LRP1B: variants seen among roughly 807,000 people sequenced by gnomAD.
LRP1B encodes low-density lipoprotein receptor-related protein 1B.
In LRP1B, 217 loss-of-function variants were observed where a neutral mutation model predicts 556.6. The observed-to-expected ratio is 0.39, with a 90% CI of 0.35 to 0.44. The LOEUF (loss-of-function observed/expected upper bound fraction) is 0.44, where lower values mean the gene tolerates loss of function less well. LRP1B is among the 20% of genes least tolerant of loss of function. LRP1B has a pLI of 1.00. For synonymous variants in LRP1B, 2,047 were observed against 1,865.8 expected (o/e 1.10, Z -2.50); for missense variants, 5,053 against 5,620.8 (o/e 0.90, Z 3.23).
chr2:140,606,101 T>C (rs1682858218), intron 41 of LRP1B, among the ~76,000 whole-genome samples: 1 of 151,976 alleles, frequency 6.6e-6, no homozygotes, highest in African/African-American at 2.4e-5. Flanking sequence ...ACACTATCAC[T>C]ATTTGCAGAT....
At position 140,297,342 on chromosome 2, in the gene LRP1B, G is replaced by C. The variant is rs941434848; in HGVS notation, c.12967+466C>G. 2.0e-5 allele frequency among the ~76,000 whole-genome samples: 3 copies of C among 152,276 alleles called. No homozygotes were observed. The South Asian group carries it at 6.2e-4, about 32-fold the overall frequency. On this transcript the variant is annotated intron_variant, in intron 84 of 90. Transcript: ENST00000389484. ...GAAGGTGTGACATAGACATCTAGGG[G>C]AGTGGGAGAGTCAATGGATTAGGGA...
At chr2:141,788,324 T>C (rs1447182193) in intron 2 of LRP1B, among the ~76,000 whole-genome samples, 2 of 152,028 alleles carry the variant, frequency 1.3e-5, no homozygotes, top group Non-Finnish European at 2.9e-5. Context: ...AGCTATTCTA[T>C]TGCATGTTTC....
At chr2:140,845,611 G>A (rs1692252386) in intron 29 of LRP1B, among the ~76,000 whole-genome samples, 1 of 151,742 alleles carries the variant, frequency 6.6e-6, no homozygotes, top group Non-Finnish European at 1.5e-5. Context: ...ATTATATGTA[G>A]GATAAAGACA....
chr2:141,448,628 C>A (rs541480939), intron 3 of LRP1B, among the ~76,000 whole-genome samples: 40 of 152,146 alleles, frequency 2.6e-4, no homozygotes, highest in Non-Finnish European at 5.0e-4. Context: ...AGTCCCTTCA[C>A]GGCTTCCCCT....
At chr2:141,783,615 T>C (rs1262242715) in intron 2 of LRP1B, among the ~76,000 whole-genome samples, 1 of 151,988 alleles carries the variant, frequency 6.6e-6, no homozygotes, top group Non-Finnish European at 1.5e-5. Context: ...TTTTACCTAG[T>C]CAAGGAATAT....
At chr2:141,189,740 A>G (rs970902823) in intron 6 of LRP1B, among the ~76,000 whole-genome samples, 37 of 152,004 alleles carry the variant, frequency 2.4e-4, no homozygotes, top group African/African-American at 8.7e-4. Flanking sequence ...AATTTTTATC[A>G]TATCTAATTT....
chr2:141,370,070 A>C (rs1317748554), intron 3 of LRP1B, among the ~76,000 whole-genome samples: 1 of 151,950 alleles, frequency 6.6e-6, no homozygotes, highest in East Asian at 1.9e-4. Context: ...TTGATTGCCT[A>C]TCTTTGCTAT....
At chr2:140,484,702 T>C (rs141946174) in intron 59 of LRP1B, among the ~76,000 whole-genome samples, 1 of 152,286 alleles carries the variant, frequency 6.6e-6, no homozygotes, top group Admixed American at 6.5e-5. Flanking sequence ...TATAGAACTT[T>C]AGCAAACATA....
intron 35 of LRP1B, among the ~76,000 whole-genome samples, chr2:140,748,242 T>G (rs1688395848): frequency 7.3e-6 from 1 of 136,284 alleles, no homozygotes; most frequent in African/African-American, 2.7e-5. Flanking sequence ...TCCATAAATA[T>G]ATATTCATAT....
At chr2:140,303,460 G>C (rs1009344153) in intron 83 of LRP1B, among the ~76,000 whole-genome samples, 2 of 151,760 alleles carry the variant, frequency 1.3e-5, no homozygotes, top group African/African-American at 4.8e-5. Context: ...TGTTGGCCAG[G>C]CTGGTCTCGA....
chr2:140,911,309 G>A (rs889025374), intron 21 of LRP1B, among the ~76,000 whole-genome samples: 1 of 151,740 alleles, frequency 6.6e-6, no homozygotes. Context: ...ACAAGAAATA[G>A]TTCAAATTGG....
chr2:140,558,024 A>C (rs545053359), intron 43 of LRP1B, among the ~76,000 whole-genome samples: 1 of 152,278 alleles, frequency 6.6e-6, no homozygotes, highest in Non-Finnish European at 1.5e-5. Flanking sequence ...CAAAAGAATA[A>C]AGTGGTTAGT....
Position 140,234,356 on chromosome 2 carries a change from G to A in LRP1B, c.13659+430C>T, listed in dbSNP as rs76555444. 6.2e-3 allele frequency among the ~76,000 whole-genome samples: 941 copies of A among 151,226 alleles called. 60 individuals carry two copies. In the East Asian group the frequency reaches 0.14, roughly 22 times the overall value. ...TTTTTGAGAGTGGTTTTGTTAGACC[G>A]TCTGTAATTTCTCAATATGATGACA... On this transcript the variant is annotated intron_variant, in intron 90 of 90. Transcript: ENST00000389484.
chr2:141,846,649 T>C lies in LRP1B; in HGVS notation c.83-36248A>G, dbSNP rs1015052820. Among the ~76,000 whole-genome samples, 10 of 151,534 alleles carry C rather than the reference T, an allele frequency of 6.6e-5. No homozygotes were observed. In the East Asian group the frequency reaches 1.9e-3, roughly 29 times the overall value. ...ATCCAATAGCGTTTTAAAACCAATATAGTGTGAGTAAATACAATTTACTTC... is the reference window on the plus strand; with the variant it reads ...ATCCAATAGCGTTTTAAAACCAATACAGTGTGAGTAAATACAATTTACTTC... On this transcript the variant is annotated intron_variant, in intron 1 of 90. Transcript: ENST00000389484.
intron 1 of LRP1B, among the ~76,000 whole-genome samples, chr2:142,082,514 T>C (rs1705757824): frequency 1.3e-5 from 2 of 152,188 alleles, no homozygotes; most frequent in African/African-American, 4.8e-5. Flanking sequence ...GCAGCCACAC[T>C]GGCTGATTTC....
chr2:140,886,997 G>T (rs971710938), intron 23 of LRP1B, among the ~76,000 whole-genome samples: 1 of 152,140 alleles, frequency 6.6e-6, no homozygotes, highest in Non-Finnish European at 1.5e-5. Context: ...GTGCTTAAAA[G>T]AATGTTTCAG....
chr2:141,097,020 T>C (rs1700340204), intron 7 of LRP1B, among the ~76,000 whole-genome samples: 2 of 152,314 alleles, frequency 1.3e-5, no homozygotes, highest in African/African-American at 2.4e-5. Flanking sequence ...TTTTTGAGGA[T>C]AGGCACATTG....
chr2:140,930,337 C>G (rs753289998), intron 20 of LRP1B, among the ~76,000 whole-genome samples: 2 of 151,974 alleles, frequency 1.3e-5, no homozygotes, highest in Non-Finnish European at 2.9e-5. Flanking sequence ...TAAGTAAATA[C>G]AGAGCCCTGA....
chr2:140,935,295 T>A (rs1225707784), intron 20 of LRP1B, among the ~76,000 whole-genome samples: 1 of 151,972 alleles, frequency 6.6e-6, no homozygotes, highest in African/African-American at 2.4e-5. Context: ...AAACAACGGA[T>A]GAACAAATGA....
Sources: gnomAD v4.1 joint callset for allele counts (sites outside exome capture counted in the v4.1 genomes callset) on GRCh38, gnomAD v4.1.1 for gene constraint, MANE v1.5 for transcripts, NCBI Gene and HGNC (gene_info 2026-07-23, HGNC 2026-07-21) for gene names.